Variants in DHX57 observed in about 807,000 individuals in gnomAD.
The protein encoded by DHX57 is putative ATP-dependent RNA helicase DHX57.
DHX57 carries 105 observed loss-of-function variants against 156.2 expected under a neutral mutation model. That is an observed-to-expected ratio of 0.67 (90% CI 0.57 to 0.79). The LOEUF (loss-of-function observed/expected upper bound fraction) is 0.79. DHX57 is among the 30% of genes least tolerant of loss of function. DHX57 has a pLI of 0.00. For missense variants in DHX57, 1,847 were observed against 1,661.9 expected, an observed-to-expected ratio of 1.11 and a Z score of -1.94; for synonymous variants, 704 against 595.6, an observed-to-expected ratio of 1.18 and a Z score of -2.65.
intron 1 of DHX57, among the ~76,000 whole-genome samples, chr2:38,869,312 A>G (rs558363781): frequency 6.6e-6 from 1 of 152,316 alleles, no homozygotes; most frequent in Admixed American, 6.5e-5. Context: ...GAGAAGTTCA[A>G]ACCTAAAGGT....
At chr2:38,824,645 A>G (rs1670999874) in intron 16 of DHX57, among the ~76,000 whole-genome samples, 1 of 152,062 alleles carries the variant, frequency 6.6e-6, no homozygotes, top group East Asian at 1.9e-4. Context: ...CATTATTTAT[A>G]TATTTTTATT....
intron 9 of DHX57, among the ~76,000 whole-genome samples, chr2:38,849,830 C>T (rs527829119): frequency 1.3e-5 from 2 of 152,296 alleles, no homozygotes; most frequent in South Asian, 2.1e-4. Context: ...TCCTTCAAGT[C>T]CTTACTCCAA....
At chr2:38,801,515 T>C (rs1669677587) in intron 23 of DHX57, among the ~76,000 whole-genome samples, 1 of 152,180 alleles carries the variant, frequency 6.6e-6, no homozygotes, top group South Asian at 2.1e-4. Context: ...GTTCAAGTGA[T>C]TCTCCTGTCT....
chr2:38,856,656 A>ACTATACCCG (rs1672916607), intron 6 of DHX57, 195 bp from the exon 7 acceptor site: 1 of 562,628 alleles, frequency 1.8e-6, no homozygotes. Context: ...GGTGTGTGCC[A>ACTATACCCG]CTATACCCGG....
In DHX57 at chr2:38,811,305, C is replaced by T. The variant is rs970063503; in HGVS notation, c.3681+2516G>A. 23 of 525,744 alleles carry T rather than the reference C, an allele frequency of 4.4e-5. 1 individual carries two copies. Among genetic ancestry groups the T allele is most frequent in the East Asian group, 9.2e-5 (2 of 21,724 alleles). 32.6% of individuals were successfully genotyped at this position (525,744 alleles called of 1,614,324 possible). ...CAGGCGAGCTCAAACCAGACCTGATCGTTCCCCTTTCCCATGGCACTGTGG... is the reference window on the plus strand; with the variant it reads ...CAGGCGAGCTCAAACCAGACCTGATTGTTCCCCTTTCCCATGGCACTGTGG... On this transcript the variant is annotated intron_variant, in intron 21 of 23. Coordinates refer to ENST00000457308, the MANE Select transcript of DHX57 (RefSeq NM_198963.3).
At chr2:38,830,843 C>T (rs898733222) in intron 13 of DHX57, among the ~76,000 whole-genome samples, 1 of 152,106 alleles carries the variant, frequency 6.6e-6, no homozygotes. Context: ...CCTGTAATTA[C>T]AGCACTTTGA....
At chr2:38,836,820 G>A (rs1671692338) in intron 13 of DHX57, among the ~76,000 whole-genome samples, 1 of 149,872 alleles carries the variant, frequency 6.7e-6, no homozygotes, top group South Asian at 2.1e-4. Context: ...AATACAGTAT[G>A]TAATACATAT....
rs201923676 is a variant in DHX57 at position 38,875,527 on chromosome 2, G to GC, written c.-7+259dup. Among the ~76,000 whole-genome samples the GC allele has an allele frequency of 1.0e-2, 1,476 of 147,894 alleles. 19 individuals are homozygous for GC. Among genetic ancestry groups the GC allele is most frequent in the African/African-American group, 0.035 (1,380 of 39,128 alleles). ...GCTCCAAGACTGAATTTCACGCCCC[G>GC]CCCCCCCCGGCCCCAACCTGCAGTT... is the stretch of plus-strand genomic sequence containing the variant. On this transcript the variant is annotated intron_variant, in intron 1 of 23. Transcript: ENST00000457308.
intron 6 of DHX57, among the ~76,000 whole-genome samples, chr2:38,858,452 G>A (rs556860362): frequency 6.8e-4 from 104 of 152,210 alleles, no homozygotes; most frequent in Non-Finnish European, 1.3e-3. Flanking sequence ...TGGCATATAT[G>A]TGTGTGTTTG....
In DHX57 at chr2:38,855,125, C is replaced by G; in HGVS notation, c.1837G>C (p.Val613Leu). 1 of 1,614,088 alleles carries G rather than the reference C, an allele frequency of 6.2e-7. No individual in the cohort carries two copies. Among genetic ancestry groups the G allele is most frequent in the Non-Finnish European group, 8.5e-7 (1 of 1,180,030 alleles). ...ACCCTCTCTGCTCTTTCTTTAGCAA[C>G]GCGTTCAGCAACAGAGATTGCAGAG... The part of the protein sequence containing the change: ...RISAISVAER[V>L]AKERAERVGL... The change falls in exon 8 of 24, where the codon GTT (valine) becomes CTT (leucine). Residue 613 changes from valine to leucine, a missense_variant. By Grantham distance (32) the Val-to-Leu change is conservative. Coordinates refer to ENST00000457308, the MANE Select transcript of DHX57 (RefSeq NM_198963.3).
At chr2:38,872,748 G>A (rs906762009) in intron 1 of DHX57, among the ~76,000 whole-genome samples, 3 of 152,150 alleles carry the variant, frequency 2.0e-5, no homozygotes, top group Non-Finnish European at 1.5e-5. Flanking sequence ...TGACAGAAAT[G>A]AAGGGAGAAT....
At chr2:38,821,065 G>GA (rs987977560) in intron 17 of DHX57, among the ~76,000 whole-genome samples, 7 of 150,450 alleles carry the variant, frequency 4.7e-5, no homozygotes, top group Non-Finnish European at 5.9e-5. Context: ...TAGAAATAAT[G>GA]AAAAAAAAAT....
Position 38,812,929 on chromosome 2 carries a change from C to T in DHX57, c.3681+892G>A, listed in dbSNP as rs1161500054. ...GTGGCATGGTCTTGGCTTACTGCAA[C>T]CTCCGCCTCCTGAGTTCAAGCAATT... On this transcript the variant is annotated intron_variant, in intron 21 of 23. Transcript: ENST00000457308. 2.0e-5 allele frequency among the ~76,000 whole-genome samples: 3 copies of T among 151,258 alleles called. No individual in the cohort carries two copies. The East Asian group carries it at 5.9e-4, about 30-fold the overall frequency.
intron 13 of DHX57, among the ~76,000 whole-genome samples, chr2:38,828,793 A>C (rs1204101831): frequency 1.3e-5 from 2 of 152,190 alleles, no homozygotes; most frequent in African/African-American, 4.8e-5. Flanking sequence ...GGATTTAAAC[A>C]AATAAATAAC....
At chr2:38,822,516 C>T (rs1472276014) in intron 17 of DHX57, among the ~76,000 whole-genome samples, 2 of 152,102 alleles carry the variant, frequency 1.3e-5, no homozygotes, top group Admixed American at 1.3e-4. Context: ...GCATTAGCCT[C>T]CCAAGTAGTT....
Position 38,861,040 on chromosome 2 carries a change from A to C in DHX57, c.1370T>G (p.Val457Gly). ...AGAAACAAAAGAATTATTTGGAATC[A>C]CTGTTTTATGACAGGCAGGATTATT... is the stretch of plus-strand genomic sequence containing the variant. ...RINNPACHKT[V>G]IPNNSFVSNQ... is the part of the protein sequence containing the mutation. The change falls in exon 5 of 24, where the codon GTG (valine) becomes GGG (glycine). Residue 457 changes from valine (V) to glycine (G), a missense_variant. Transcript: ENST00000457308. The C allele has an allele frequency of 6.2e-7, 1 of 1,613,860 alleles. No individual in the cohort carries two copies. The highest frequency in any genetic ancestry group is 8.5e-7 in the Non-Finnish European group (1 of 1,179,924).
At chr2:38,867,743 A>G (rs1665151990) in intron 2 of DHX57, among the ~76,000 whole-genome samples, 1 of 152,084 alleles carries the variant, frequency 6.6e-6, no homozygotes, top group African/African-American at 2.4e-5. Flanking sequence ...ATTTTAGTAG[A>G]GACAGGATTT....
intron 21 of DHX57, chr2:38,811,323 C>T: frequency 1.9e-6 from 1 of 522,392 alleles, no homozygotes; most frequent in Non-Finnish European, 3.8e-6. Flanking sequence ...TTTCCCATGG[C>T]ACTGTGGGAC....
intron 20 of DHX57, among the ~76,000 whole-genome samples, chr2:38,814,704 C>T (rs1670435289): frequency 6.7e-6 from 1 of 150,146 alleles, no homozygotes; most frequent in Admixed American, 6.8e-5. Flanking sequence ...CCAAAAACAA[C>T]AGCAACAATG....
Sources: gnomAD v4.1 joint callset for allele counts (sites outside exome capture counted in the v4.1 genomes callset) on GRCh38, gnomAD v4.1.1 for gene constraint, MANE v1.5 for transcripts, NCBI Gene and HGNC (gene_info 2026-07-23, HGNC 2026-07-21) for gene names.